The following ADCY2 variants were observed in gnomAD, a reference collection of about 807,000 sequenced individuals.
ADCY2 encodes adenylate cyclase type 2.
In ADCY2, 31 loss-of-function variants were observed where a neutral mutation model predicts 125.2. That is an observed-to-expected ratio of 0.25 (90% CI 0.19 to 0.33). The LOEUF (loss-of-function observed/expected upper bound fraction) is 0.33, where lower values mean the gene tolerates loss of function less well. ADCY2 is among the 10% of genes least tolerant of loss of function. ADCY2 has a pLI of 1.00. For synonymous variants in ADCY2, 512 were observed against 548.4 expected (o/e 0.93, Z 0.93); for missense variants, 904 against 1,418.2 (o/e 0.64, Z 5.82).
chr5:7,415,056 T>C (rs1739886587), intron 2 of ADCY2, among the ~76,000 whole-genome samples: 1 of 152,246 alleles, frequency 6.6e-6, no homozygotes, highest in Admixed American at 6.5e-5. Context: ...TGTGTGTGTA[T>C]AATTGGATAC....
At chr5:7,614,900 C>T (rs904798077) in intron 3 of ADCY2, among the ~76,000 whole-genome samples, 3 of 152,194 alleles carry the variant, frequency 2.0e-5, no homozygotes, top group Non-Finnish European at 4.4e-5. Flanking sequence ...TGTTCTCTTG[C>T]ATTGCTGTAA....
chr5:7,763,050 T>TG (rs1293837557), intron 16 of ADCY2, among the ~76,000 whole-genome samples: 4,637 of 131,174 alleles, frequency 0.035, 76 homozygotes, highest in Middle Eastern at 0.065. Context: ...TTCTTTGTTT[T>TG]TTTTGTTTGT....
intron 20 of ADCY2, among the ~76,000 whole-genome samples, chr5:7,792,783 T>C (rs1251655832): frequency 6.6e-6 from 1 of 152,198 alleles, no homozygotes; most frequent in Non-Finnish European, 1.5e-5. Flanking sequence ...CCTGTGAACG[T>C]GAGCTGGTTA....
At chr5:7,779,713 A>G (rs1743855317) in intron 18 of ADCY2, among the ~76,000 whole-genome samples, 1 of 151,916 alleles carries the variant, frequency 6.6e-6, no homozygotes, top group Admixed American at 6.6e-5. Flanking sequence ...TATGAACACA[A>G]CTCTGAAAAA....
At chr5:7,785,484 A>G (rs1437478540) in intron 19 of ADCY2, among the ~76,000 whole-genome samples, 1 of 96,496 alleles carries the variant, frequency 1.0e-5, no homozygotes, top group African/African-American at 4.1e-5. Context: ...CCACCCCACC[A>G]CCCCTCTTGC....
Position 7,603,784 on chromosome 5 carries a change from C to CTTTTTTTTTTTTTTTTTTTT in ADCY2, c.571-22377_571-22358dup. The stretch of plus-strand genomic sequence containing the variant: ...AAAATTCTGGGGTAATGCTCTCTTT[C>CTTTTTTTTTTTTTTTTTTTT]TTTTTTTTTTTTTTTTTTTTTTTTT... On this transcript the variant is annotated intron_variant, in intron 3 of 24. Transcript: ENST00000338316. Among the ~76,000 whole-genome samples, 97 of 62,798 alleles carry CTTTTTTTTTTTTTTTTTTTT rather than the reference C, an allele frequency of 1.5e-3. 1 individual carries two copies. Among genetic ancestry groups the CTTTTTTTTTTTTTTTTTTTT allele is most frequent in the East Asian group, 3.0e-3 (5 of 1,678 alleles). 41.2% of individuals were successfully genotyped at this position (62,798 alleles called of 152,430 possible). A position where few individuals can be genotyped will look rare whatever the true frequency, so the allele number is the denominator to read the frequency against.
rs1742514303 is a variant in ADCY2, at chr5:7,743,711, C to A, written c.1915C>A (p.Leu639Met). ...GISFGAAFLLLAFILFVCFAG... is the reference protein window; with the variant it reads ...GISFGAAFLLMAFILFVCFAG... ...CTCCTTTGGGGCTGCGTTTCTCTTG[C>A]TGGCCTTCATCCTCTTCGTCTGCTT... The change falls in exon 15 of 25, where the codon CTG becomes ATG. Residue 639 changes from leucine to methionine, a missense_variant. Physicochemically the swap from Leu to Met is conservative, Grantham distance 15. Transcript: ENST00000338316. 2 of 1,614,120 alleles carry A rather than the reference C, an allele frequency of 1.2e-6. No individual in the cohort carries two copies. Among genetic ancestry groups the A allele is most frequent in the Non-Finnish European group, 1.7e-6 (2 of 1,180,004 alleles).
intron 4 of ADCY2, among the ~76,000 whole-genome samples, chr5:7,636,621 A>G (rs1000158353): frequency 2.0e-5 from 3 of 152,232 alleles, no homozygotes; most frequent in African/African-American, 7.2e-5. Context: ...GACCAATCTA[A>G]ATTTAAAATT....
At chr5:7,757,609 G>A (rs372681648) in intron 16 of ADCY2, 23 bp downstream of exon 16, 13 of 1,605,868 alleles carry the variant, frequency 8.1e-6, no homozygotes, top group Non-Finnish European at 1.0e-5. Flanking sequence ...GCACGGCCGT[G>A]TTCAACATGG....
At chr5:7,666,805 G>A (rs1044638431) in intron 4 of ADCY2, among the ~76,000 whole-genome samples, 2 of 152,198 alleles carry the variant, frequency 1.3e-5, no homozygotes, top group Non-Finnish European at 2.9e-5. Flanking sequence ...CTCTCCCACT[G>A]TGGGTCAGGG....
intron 3 of ADCY2, among the ~76,000 whole-genome samples, chr5:7,575,789 T>C (rs1355468296): frequency 1.3e-5 from 2 of 152,168 alleles, no homozygotes; most frequent in African/African-American, 4.8e-5. Context: ...TAACAAAATG[T>C]TCTAACACCA....
intron 4 of ADCY2, among the ~76,000 whole-genome samples, chr5:7,636,855 C>T (rs867543272): frequency 2.0e-5 from 3 of 152,058 alleles, no homozygotes; most frequent in South Asian, 2.1e-4. Flanking sequence ...AGCAATCATG[C>T]TAAAGTGACT....
intron 17 of ADCY2, 116 bp downstream of exon 17, chr5:7,766,922 C>A: frequency 1.5e-6 from 2 of 1,318,656 alleles, no homozygotes; most frequent in Non-Finnish European, 2.0e-6. Flanking sequence ...TCTCTGGTAT[C>A]AATCCCTGAG....
At chr5:7,503,010 G>A (rs968119) in intron 2 of ADCY2, among the ~76,000 whole-genome samples, 26,453 of 152,030 alleles carry the variant, frequency 0.17, 2,465 homozygotes, top group African/African-American at 0.2. Context: ...TGCCTTTGTC[G>A]GAGCTGTTTG....
intron 16 of ADCY2, among the ~76,000 whole-genome samples, chr5:7,766,109 C>A (rs920970906): frequency 6.6e-6 from 1 of 152,102 alleles, no homozygotes; most frequent in African/African-American, 2.4e-5. Flanking sequence ...CCCTTTCCAG[C>A]AGTCCAGAGA....
At chr5:7,787,286 C>A (rs73737629) in intron 19 of ADCY2, among the ~76,000 whole-genome samples, 1 of 152,272 alleles carries the variant, frequency 6.6e-6, no homozygotes, top group Non-Finnish European at 1.5e-5. Flanking sequence ...CTCTGCTAGA[C>A]GCCTGCGCAT....
At chr5:7,780,390 TG>T in intron 18 of ADCY2, among the ~76,000 whole-genome samples, 1 of 152,284 alleles carries the variant, frequency 6.6e-6, no homozygotes, top group African/African-American at 2.4e-5. Flanking sequence ...CCTGAGGATT[TG>T]GGGGTCACTT....
intron 3 of ADCY2, among the ~76,000 whole-genome samples, chr5:7,584,323 T>G (rs958971149): frequency 3.9e-5 from 6 of 152,108 alleles, no homozygotes; most frequent in Non-Finnish European, 7.4e-5. Context: ...AGATATTTCT[T>G]TATATTTCTA....
At chr5:7,676,069 A>T (rs1218662565) in intron 4 of ADCY2, among the ~76,000 whole-genome samples, 1 of 152,204 alleles carries the variant, frequency 6.6e-6, no homozygotes, top group Non-Finnish European at 1.5e-5. Flanking sequence ...TTAAAACAAG[A>T]TACTCTATTC....
Sources: allele counts gnomAD v4.1 joint callset (sites outside exome capture counted in the v4.1 genomes callset), GRCh38; gene constraint gnomAD v4.1.1; transcripts MANE v1.5; gene names NCBI Gene and HGNC (gene_info 2026-07-23, HGNC 2026-07-21).